Variants in ZBED6 observed in about 807,000 individuals in gnomAD.
ZBED6 encodes the protein zinc finger BED domain-containing protein 6.
ZBED6 carries 40 observed loss-of-function variants against 58.4 expected under a neutral mutation model. That is an observed-to-expected ratio of 0.68 (90% CI 0.53 to 0.89). ZBED6 has a LOEUF of 0.89. ZBED6 is among the 40% of genes least tolerant of loss of function. ZBED6 has a pLI of 0.00. For synonymous variants in ZBED6, 439 were observed against 350.6 expected (o/e 1.25, Z -2.82); for missense variants, 1,057 against 1,003.9 (o/e 1.05, Z -0.71).
intron 1 of ZBED6, among the ~76,000 whole-genome samples, chr1:203,813,076 T>C (rs2102686005): frequency 6.6e-6 from 1 of 152,314 alleles, no homozygotes; most frequent in South Asian, 2.1e-4. Flanking sequence ...TCAGACCTTA[T>C]CAGTTATGTT....
Position 203,843,547 on chromosome 1 carries a change from A to T in ZBED6, c.*3741+3173A>T, listed in dbSNP as rs566399002. Among the ~76,000 whole-genome samples, 3 of 152,318 alleles carry T rather than the reference A, an allele frequency of 2.0e-5. No homozygotes were observed. In the East Asian group the frequency reaches 5.8e-4, roughly 29 times the overall value. The stretch of plus-strand genomic sequence containing the variant: ...TTTTCCTGTAAAGGGTCGGATATAA[A>T]TAACTTTGCAGTCCACAGTATTGCA... On this transcript the variant is annotated intron_variant, in intron 11 of 16. Transcript: ENST00000550078.
chr1:203,851,599 G>C (rs1689281571), intron 16 of ZBED6, among the ~76,000 whole-genome samples: 1 of 152,036 alleles, frequency 6.6e-6, no homozygotes, highest in Non-Finnish European at 1.5e-5. Context: ...CAAAGTGCTG[G>C]GATTACAGGC....
At chr1:203,832,981 C>G (rs184123350) in intron 8 of ZBED6, among the ~76,000 whole-genome samples, 5 of 152,288 alleles carry the variant, frequency 3.3e-5, no homozygotes, top group Non-Finnish European at 7.4e-5. Context: ...CATGTATAAT[C>G]CCAGCACTTT....
chr1:203,832,804 T>C (rs1473790272), intron 8 of ZBED6, among the ~76,000 whole-genome samples: 5 of 152,248 alleles, frequency 3.3e-5, no homozygotes, highest in Admixed American at 3.3e-4. Context: ...GAGATAGTTA[T>C]ATTGGACAGT....
Position 203,840,164 on chromosome 1 carries a change from C to A in ZBED6, c.*3673-142C>A, listed in dbSNP as rs1685654437. 4 of 734,780 alleles carry A rather than the reference C, an allele frequency of 5.4e-6. No individual in the cohort carries two copies. The South Asian group carries it at 7.5e-5, about 14-fold the overall frequency. 45.5% of individuals were successfully genotyped at this position (734,780 alleles called of 1,614,324 possible). A position where few individuals can be genotyped will look rare whatever the true frequency, so the allele number is the denominator to read the frequency against. On this transcript the variant is annotated intron_variant, in intron 10 of 16. Transcript: ENST00000550078. ...ATGTTGGCCAGGCTGGCCTTGAAGT[C>A]CTGACCTCAAGTGATCAGCCTGCCT...
chr1:203,853,957 C>T (rs1456550507), exon 17 of ZBED6: 1 of 152,584 alleles, frequency 6.6e-6, no homozygotes, highest in Non-Finnish European at 1.5e-5. Context: ...TTCCAGGTCC[C>T]TTTTGTATAT....
exon 3 of ZBED6, chr1:203,818,668 G>A: frequency 6.2e-7 from 1 of 1,614,120 alleles, no homozygotes; most frequent in South Asian, 1.1e-5. Context: ...AGGTGTGCAG[G>A]TTTCGGCACA....
At chr1:203,850,617 C>G (rs1486862882) in exon 15 of ZBED6, 1 of 1,614,156 alleles carries the variant, frequency 6.2e-7, no homozygotes, top group Non-Finnish European at 8.5e-7. Flanking sequence ...GCTGTCATTG[C>G]CGCTGTGAAG....
chr1:203,829,974 C>T (rs1681732403), intron 6 of ZBED6, 78 bp downstream of exon 6: 2 of 1,424,316 alleles, frequency 1.4e-6, no homozygotes, highest in Non-Finnish European at 9.9e-7. Flanking sequence ...TCATTGACCT[C>T]CCTCTTCTTT....
At chr1:203,798,899 G>C in exon 1 of ZBED6, 1 of 1,536,090 alleles carries the variant, frequency 6.5e-7, no homozygotes, top group Non-Finnish European at 8.7e-7. Flanking sequence ...CTGTACCTCA[G>C]TTATATGATT....
exon 8 of ZBED6, chr1:203,831,755 T>A: frequency 6.2e-7 from 1 of 1,612,066 alleles, no homozygotes. Flanking sequence ...GGACAGTAAC[T>A]CTCTCCACCA....
intron 13 of ZBED6, 57 bp downstream of exon 13, chr1:203,848,464 G>A: frequency 7.3e-7 from 1 of 1,362,422 alleles, no homozygotes; most frequent in Non-Finnish European, 1.0e-6. Context: ...TAGATAATTG[G>A]TAGTTTTACC....
exon 6 of ZBED6, chr1:203,829,855 G>C: frequency 6.2e-7 from 1 of 1,614,086 alleles, no homozygotes; most frequent in Non-Finnish European, 8.5e-7. Flanking sequence ...AATGGATTAC[G>C]AGTGACTTCT....
exon 1 of ZBED6, chr1:203,799,308 T>C: frequency 4.2e-6 from 3 of 712,344 alleles, no homozygotes; most frequent in African/African-American, 1.7e-5. Context: ...TCAGGACTTT[T>C]TCTGCGAGCA....
chr1:203,809,511 C>T (rs1294780724), intron 1 of ZBED6, among the ~76,000 whole-genome samples: 1 of 151,982 alleles, frequency 6.6e-6, no homozygotes, highest in Non-Finnish European at 1.5e-5. Context: ...TCATTTGTAG[C>T]AATGCTATAT....
intron 11 of ZBED6, among the ~76,000 whole-genome samples, chr1:203,843,509 G>A (rs1687047465): frequency 2.0e-5 from 3 of 152,232 alleles, no homozygotes; most frequent in Middle Eastern, 3.4e-3. Context: ...TTTAGACAAG[G>A]AATTGACAAT....
chr1:203,834,064 C>G (rs1441953573), intron 9 of ZBED6: 2 of 1,225,696 alleles, frequency 1.6e-6, no homozygotes, highest in African/African-American at 3.1e-5. Context: ...AGATTATGAC[C>G]ATGACCAGCG....
At chr1:203,827,920 G>A (rs566917968) in intron 3 of ZBED6, among the ~76,000 whole-genome samples, 24 of 152,312 alleles carry the variant, frequency 1.6e-4, no homozygotes, top group African/African-American at 5.1e-4. Context: ...GCTAAGGAAA[G>A]TGAGGCTTAG....
intron 3 of ZBED6, among the ~76,000 whole-genome samples, chr1:203,819,176 G>GTATA (rs199790996): frequency 3.4e-5 from 5 of 148,030 alleles, no homozygotes; most frequent in Non-Finnish European, 7.4e-5. Flanking sequence ...ATATGTGTGT[G>GTATA]TATATATATA....
Sources: allele counts gnomAD v4.1 joint callset (sites outside exome capture counted in the v4.1 genomes callset), GRCh38; gene constraint gnomAD v4.1.1; transcripts MANE v1.5; gene names NCBI Gene and HGNC (gene_info 2026-07-23, HGNC 2026-07-21).